SDHC: variants seen among roughly 807,000 people sequenced by gnomAD.
The protein encoded by SDHC is succinate dehydrogenase cytochrome b560 subunit, mitochondrial.
SDHC carries 11 observed loss-of-function variants against 22.6 expected under a neutral mutation model. The observed-to-expected ratio is 0.49, with a 90% CI of 0.31 to 0.81. SDHC has a LOEUF of 0.81. Ranked by LOEUF, SDHC falls within the 30% of genes least tolerant of loss-of-function variation. The pLI, the probability that SDHC is intolerant of heterozygous loss-of-function variation, is 0.05. For missense variants in SDHC, 160 were observed against 212.0 expected, an observed-to-expected ratio of 0.75 and a Z score of 1.52; for synonymous variants, 80 against 77.8, an observed-to-expected ratio of 1.03 and a Z score of -0.15.
At chr1:161,330,656 G>T (rs746057962) in intron 3 of SDHC, among the ~76,000 whole-genome samples, 1 of 152,036 alleles carries the variant, frequency 6.6e-6, no homozygotes, top group Non-Finnish European at 1.5e-5. Context: ...TCTTCTCTCT[G>T]TCACTTTTAG....
At chr1:161,340,318 G>A (rs1671674985) in intron 3 of SDHC, among the ~76,000 whole-genome samples, 1 of 151,268 alleles carries the variant, frequency 6.6e-6, no homozygotes, top group Admixed American at 6.6e-5. Flanking sequence ...TGAAAAGACA[G>A]GAATGCAAAA....
chr1:161,327,074 A>G (rs994137099), intron 2 of SDHC, among the ~76,000 whole-genome samples: 1 of 152,102 alleles, frequency 6.6e-6, no homozygotes, highest in African/African-American at 2.4e-5. Flanking sequence ...GCAAGCTCGG[A>G]CCATCATGCT....
chr1:161,339,158 ACTTT>A (rs1445992648), intron 3 of SDHC, among the ~76,000 whole-genome samples: 4 of 151,716 alleles, frequency 2.6e-5, no homozygotes, highest in Non-Finnish European at 5.9e-5. Flanking sequence ...TATAGTGATT[ACTTT>A]CTAATTGTAT....
chr1:161,357,608 C>G (rs1457119894), intron 5 of SDHC, among the ~76,000 whole-genome samples: 1 of 151,996 alleles, frequency 6.6e-6, no homozygotes, highest in Non-Finnish European at 1.5e-5. Flanking sequence ...CCCATGTTAG[C>G]CAGGCTGGTC....
intron 1 of SDHC, among the ~76,000 whole-genome samples, chr1:161,315,630 G>A (rs577010940): frequency 3.9e-4 from 60 of 152,320 alleles, no homozygotes; most frequent in African/African-American, 1.3e-3. Flanking sequence ...TTTGGAATTA[G>A]TGTTTAAAAG....
chr1:161,346,726 A>T (rs1362337253), intron 4 of SDHC, among the ~76,000 whole-genome samples: 1 of 149,758 alleles, frequency 6.7e-6, no homozygotes, highest in African/African-American at 2.5e-5. Flanking sequence ...GAGATATGAG[A>T]CCCCAGAGGA....
At chr1:161,342,470 T>C (rs1304884174) in intron 4 of SDHC, among the ~76,000 whole-genome samples, 1 of 152,070 alleles carries the variant, frequency 6.6e-6, no homozygotes, top group Non-Finnish European at 1.5e-5. Flanking sequence ...CTGCTGTGTG[T>C]ACAAACTTTT....
chr1:161,339,458 C>A, intron 3 of SDHC: 3 of 526,618 alleles, frequency 5.7e-6, no homozygotes, highest in Non-Finnish European at 9.1e-6. Context: ...ACTAGGATTA[C>A]AGGTGTGAGC....
intron 2 of SDHC, 38 bp downstream of exon 2, chr1:161,323,708 T>G: frequency 6.5e-7 from 1 of 1,528,924 alleles, no homozygotes; most frequent in Non-Finnish European, 9.0e-7. Context: ...ATTTATTTTT[T>G]TTTTTGAGAC....
At chr1:161,354,690 TG>T (rs1361976375) in intron 4 of SDHC, among the ~76,000 whole-genome samples, 5 of 150,336 alleles carry the variant, frequency 3.3e-5, no homozygotes, top group Admixed American at 1.3e-4. Flanking sequence ...TGTGTGTGTG[TG>T]TGTGTGTGTG....
chr1:161,342,316 A>G (rs911857538), intron 4 of SDHC, among the ~76,000 whole-genome samples: 2 of 152,186 alleles, frequency 1.3e-5, no homozygotes, highest in African/African-American at 2.4e-5. Flanking sequence ...GGTGCAAACT[A>G]GGAGTAGTGG....
intron 4 of SDHC, among the ~76,000 whole-genome samples, chr1:161,350,569 A>G (rs907072064): frequency 1.3e-5 from 2 of 152,230 alleles, no homozygotes; most frequent in Non-Finnish European, 2.9e-5. Context: ...TGTTTCAATT[A>G]TACCCAATAA....
intron 3 of SDHC, among the ~76,000 whole-genome samples, chr1:161,329,202 G>C (rs914537076): frequency 6.6e-6 from 1 of 151,352 alleles, no homozygotes; most frequent in East Asian, 2.0e-4. Context: ...CACCATGCCC[G>C]GCCACAACTT....
At chr1:161,353,720 CA>C (rs1368857490) in intron 4 of SDHC, among the ~76,000 whole-genome samples, 2 of 152,170 alleles carry the variant, frequency 1.3e-5, no homozygotes, top group East Asian at 3.9e-4. Context: ...CAGTGGCTGA[CA>C]ACTATAATCC....
At chr1:161,323,273 C>T (rs1391685334) in intron 1 of SDHC, among the ~76,000 whole-genome samples, 2 of 152,056 alleles carry the variant, frequency 1.3e-5, no homozygotes, top group Non-Finnish European at 2.9e-5. Flanking sequence ...GCTGGGATTA[C>T]AGGTGTGAGC....
chr1:161,340,505 A>T, intron 3 of SDHC, 89 bp from the exon 4 acceptor site: 1 of 1,131,684 alleles, frequency 8.8e-7, no homozygotes, highest in Non-Finnish European at 1.3e-6. Context: ...TGCCTATTTC[A>T]GAATTAGTTT....
intron 3 of SDHC, among the ~76,000 whole-genome samples, chr1:161,335,963 C>CTACT (rs1282052127): frequency 6.6e-6 from 1 of 152,104 alleles, no homozygotes; most frequent in Non-Finnish European, 1.5e-5. Flanking sequence ...TTGAGCTCTG[C>CTACT]TACTCTCTTG....
chr1:161,339,067 C>G (rs1671604872), intron 3 of SDHC, among the ~76,000 whole-genome samples: 1 of 152,174 alleles, frequency 6.6e-6, no homozygotes, highest in South Asian at 2.1e-4. Flanking sequence ...CCAGCCTGGT[C>G]TCGAACACCT....
chr1:161,352,463 G>A lies in SDHC; in HGVS notation c.242-4214G>A, dbSNP rs531234135. 2.6e-5 allele frequency among the ~76,000 whole-genome samples: 4 copies of A among 152,164 alleles called. No individual in the cohort carries two copies. The South Asian group carries it at 8.3e-4, about 32-fold the overall frequency. ...ATTACAAGAACATATTACCAAGAAT[G>A]AAAATATTATACAAATGTATACTTA... On this transcript the variant is annotated intron_variant, in intron 4 of 5. Coordinates refer to ENST00000367975, the MANE Select transcript of SDHC (RefSeq NM_003001.5).
Sources: gnomAD v4.1 joint callset for allele counts (sites outside exome capture counted in the v4.1 genomes callset) on GRCh38, gnomAD v4.1.1 for gene constraint, MANE v1.5 for transcripts, NCBI Gene and HGNC (gene_info 2026-07-23, HGNC 2026-07-21) for gene names.